Variants in DYNC2LI1 observed in about 807,000 individuals in gnomAD.
The protein encoded by DYNC2LI1 is dynein cytoplasmic 2 light intermediate chain 1.
In DYNC2LI1, 45 loss-of-function variants were observed where a neutral mutation model predicts 51.9. The observed-to-expected ratio is 0.87, with a 90% CI of 0.68 to 1.11. DYNC2LI1 has a LOEUF of 1.11. DYNC2LI1 is among the 50% of genes most tolerant of loss of function. The probability of loss-of-function intolerance (pLI) is 0.00; values close to 1 mark genes in which losing one functional copy is unlikely to be tolerated. For missense variants in DYNC2LI1, 490 were observed against 417.4 expected, an observed-to-expected ratio of 1.17 and a Z score of -1.51; for synonymous variants, 130 against 137.8, an observed-to-expected ratio of 0.94 and a Z score of 0.40.
chr2:43,796,297 T>C (rs1674032155), intron 7 of DYNC2LI1, among the ~76,000 whole-genome samples: 1 of 147,860 alleles, frequency 6.8e-6, no homozygotes, highest in Non-Finnish European at 1.5e-5. Context: ...CACACCACTA[T>C]ACTCCAGCCT....
chr2:43,785,718 A>G (rs1413473323), intron 3 of DYNC2LI1, among the ~76,000 whole-genome samples: 1 of 151,656 alleles, frequency 6.6e-6, no homozygotes, highest in Non-Finnish European at 1.5e-5. Flanking sequence ...AAATAAATAA[A>G]ATAAAATAAA....
At chr2:43,810,460 G>A (rs191674482), downstream of DYNC2LI1, 288 of 985,368 alleles carry the variant, frequency 2.9e-4, 1 homozygote, top group Middle Eastern at 0.013. Context: ...TTCCAAGGTG[G>A]GATAGCCTTT....
downstream of DYNC2LI1, chr2:43,813,120 C>G (rs759846565): frequency 8.4e-7 from 1 of 1,192,578 alleles, no homozygotes; most frequent in Non-Finnish European, 1.3e-6. Flanking sequence ...CTTTCACTAC[C>G]TGCTAATGAG....
At chr2:43,805,900 T>C (rs1015908492) in intron 12 of DYNC2LI1, among the ~76,000 whole-genome samples, 1 of 151,890 alleles carries the variant, frequency 6.6e-6, no homozygotes, top group African/African-American at 2.4e-5. Context: ...CTTTTTTTTT[T>C]AAGACGAGTC....
chr2:43,783,042 C>G (rs1262889074), intron 2 of DYNC2LI1, among the ~76,000 whole-genome samples: 1 of 152,112 alleles, frequency 6.6e-6, no homozygotes, highest in East Asian at 1.9e-4. Context: ...ATCCTCTGGA[C>G]TTAAAACAAA....
chr2:43,789,912 G>A (rs751938936), intron 5 of DYNC2LI1, among the ~76,000 whole-genome samples, 191 bp downstream of exon 5: 1 of 152,116 alleles, frequency 6.6e-6, no homozygotes, highest in Non-Finnish European at 1.5e-5. Flanking sequence ...ATTTTGGCCC[G>A]TGCTGAACTG....
chr2:43,812,319 C>CTT (rs535572680), downstream of DYNC2LI1, among the ~76,000 whole-genome samples: 1 of 115,282 alleles, frequency 8.7e-6, no homozygotes, highest in Admixed American at 8.4e-5. Context: ...ACTTGTAATT[C>CTT]TTTTTTTTTT....
chr2:43,777,983 T>C (rs1673102400), intron 2 of DYNC2LI1, among the ~76,000 whole-genome samples: 1 of 152,238 alleles, frequency 6.6e-6, no homozygotes, highest in African/African-American at 2.4e-5. Flanking sequence ...ATTAGAAATA[T>C]GGATAGTAAA....
chr2:43,782,756 C>A (rs998657979), intron 2 of DYNC2LI1, among the ~76,000 whole-genome samples: 1 of 151,920 alleles, frequency 6.6e-6, no homozygotes, highest in Non-Finnish European at 1.5e-5. Flanking sequence ...CTGAGGTGGG[C>A]AGATTAGATG....
At chr2:43,802,083 G>T (rs1666095075) in intron 10 of DYNC2LI1, among the ~76,000 whole-genome samples, 1 of 152,156 alleles carries the variant, frequency 6.6e-6, no homozygotes, top group Admixed American at 6.6e-5. Flanking sequence ...CAGGCAATTA[G>T]CAAGTATATG....
chr2:43,800,820 G>A, intron 8 of DYNC2LI1, 21 bp from the exon 9 acceptor site: 1 of 1,401,414 alleles, frequency 7.1e-7, no homozygotes, highest in South Asian at 1.3e-5. Context: ...CATGTAATTT[G>A]TTCTCCTGAT....
intron 4 of DYNC2LI1, among the ~76,000 whole-genome samples, chr2:43,788,416 CT>C (rs2104682818): frequency 6.6e-6 from 1 of 152,234 alleles, no homozygotes; most frequent in African/African-American, 2.4e-5. Context: ...AAACTGTGTA[CT>C]ATCAAGTGGG....
chr2:43,822,363 C>T, the DYNC2LI1 span: 3 of 234,650 alleles, frequency 1.3e-5, no homozygotes, highest in African/African-American at 7.0e-5. Context: ...TCCTGCTTCT[C>T]TTTCTACCTC....
chr2:43,828,025 G>A, the DYNC2LI1 span: 15 of 1,613,916 alleles, frequency 9.3e-6, no homozygotes, highest in Admixed American at 5.0e-5. Flanking sequence ...ACCCGGCGCC[G>A]CTCACCCGTG....
intron 2 of DYNC2LI1, among the ~76,000 whole-genome samples, chr2:43,783,296 A>G (rs907663926): frequency 1.3e-5 from 2 of 152,226 alleles, no homozygotes; most frequent in African/African-American, 4.8e-5. Flanking sequence ...GGGACTTTAT[A>G]ATTATAATAA....
At chr2:43,781,991 TTG>T (rs1326251805) in intron 2 of DYNC2LI1, among the ~76,000 whole-genome samples, 2 of 144,536 alleles carry the variant, frequency 1.4e-5, no homozygotes, top group East Asian at 2.0e-4. Context: ...CCCCCTACAT[TTG>T]TGTGTTTGTT....
chr2:43,787,121 T>TG, intron 3 of DYNC2LI1, 60 bp from the exon 4 acceptor site: 1 of 1,364,188 alleles, frequency 7.3e-7, no homozygotes, highest in Non-Finnish European at 1.0e-6. Context: ...TCAGGTAAGG[T>TG]GATAGCATAA....
chr2:43,797,785 T>C (rs1665933048), intron 8 of DYNC2LI1, among the ~76,000 whole-genome samples: 2 of 152,138 alleles, frequency 1.3e-5, no homozygotes. Context: ...CCCAAACTGC[T>C]GGGATTACAA....
chr2:43,784,653 C>T (rs963470882), intron 3 of DYNC2LI1, among the ~76,000 whole-genome samples: 13 of 152,044 alleles, frequency 8.6e-5, no homozygotes, highest in African/African-American at 2.2e-4. Flanking sequence ...AGGCTGGTCT[C>T]GAACTCACGA....
Sources: allele counts gnomAD v4.1 joint callset (sites outside exome capture counted in the v4.1 genomes callset), GRCh38; gene constraint gnomAD v4.1.1; transcripts MANE v1.5; gene names NCBI Gene and HGNC (gene_info 2026-07-23, HGNC 2026-07-21).